RIC8B: variants seen among roughly 807,000 people sequenced by gnomAD.
RIC8B encodes the protein RIC8 guanine nucleotide exchange factor B.
A neutral mutation model predicts 57.5 loss-of-function variants in RIC8B; 16 were observed. That is an observed-to-expected ratio of 0.28 (90% CI 0.19 to 0.42). The LOEUF (loss-of-function observed/expected upper bound fraction) is 0.42, where lower values mean the gene tolerates loss of function less well. Ranked by LOEUF, RIC8B falls within the 10% of genes least tolerant of loss-of-function variation. The pLI is 1.00. For missense variants in RIC8B, 481 were observed against 677.0 expected (o/e 0.71, Z 3.21); for synonymous variants, 216 against 250.8 (o/e 0.86, Z 1.31).
Position 106,879,359 on chromosome 12 carries a change from A to G in RIC8B, c.1572-6545A>G. 2 of 985,332 alleles carry G rather than the reference A, an allele frequency of 2.0e-6. No individual in the cohort carries two copies. The highest frequency in any genetic ancestry group is 2.4e-6 in the Non-Finnish European group (2 of 829,898). The allele number at this position is 985,332 out of a possible 1,614,324, so 61.0% of individuals were successfully genotyped here. A position where few individuals can be genotyped will look rare whatever the true frequency, so the allele number is the denominator to read the frequency against. ...ATATTGTGCGATTGGGTATGTTAGT[A>G]TCTGAACCCCAATTTTGCACTGTCA... On this transcript the variant is annotated intron_variant, in intron 9 of 9. Coordinates refer to ENST00000392837, the MANE Select transcript of RIC8B (RefSeq NM_001330145.2). This position sits in a 1 kb window ranked among gnomAD's most constrained non-coding sequence, Gnocchi z 4.9.
At chr12:106,797,349 A>G (rs2044529552) in intron 2 of RIC8B, among the ~76,000 whole-genome samples, 1 of 152,254 alleles carries the variant, frequency 6.6e-6, no homozygotes, top group African/African-American at 2.4e-5. Context: ...CTGCTACAAC[A>G]TGGATGAACC....
At chr12:106,783,542 T>A (rs2043860318) in intron 1 of RIC8B, among the ~76,000 whole-genome samples, 1 of 152,238 alleles carries the variant, frequency 6.6e-6, no homozygotes, top group African/African-American at 2.4e-5. Context: ...CAGTCTACTT[T>A]TCCATTCTCT....
intron 6 of RIC8B, among the ~76,000 whole-genome samples, chr12:106,844,820 T>C (rs192047420): frequency 4.6e-5 from 7 of 152,292 alleles, no homozygotes; most frequent in Admixed American, 6.5e-5. Context: ...TGCTGATAGA[T>C]TGGAGTATGG....
At chr12:106,776,963 TC>T (rs891697586) in intron 1 of RIC8B, among the ~76,000 whole-genome samples, 1 of 151,764 alleles carries the variant, frequency 6.6e-6, no homozygotes, top group South Asian at 2.1e-4. Flanking sequence ...CTCCATCTCC[TC>T]CCCCCCACCG....
At chr12:106,838,224 TG>T in intron 4 of RIC8B, among the ~76,000 whole-genome samples, 1 of 151,928 alleles carries the variant, frequency 6.6e-6, no homozygotes, top group South Asian at 2.1e-4. Context: ...GAATACACAA[TG>T]GGGAAAAAAA....
intron 6 of RIC8B, among the ~76,000 whole-genome samples, chr12:106,848,619 A>G (rs1237880945): frequency 6.6e-6 from 1 of 152,204 alleles, no homozygotes; most frequent in African/African-American, 2.4e-5. Context: ...TGGAGCTGAC[A>G]TAATATGCTG....
intron 7 of RIC8B, among the ~76,000 whole-genome samples, chr12:106,853,573 A>T (rs975461320): frequency 1.4e-5 from 2 of 143,524 alleles, no homozygotes; most frequent in South Asian, 4.4e-4. Flanking sequence ...GGTTGAAGCG[A>T]TTCTCCTGCC....
rs192910555 is a variant in RIC8B, at chr12:106,878,815, G to C, written c.1572-7089G>C. On this transcript the variant is annotated intron_variant, in intron 9 of 9. Transcript: ENST00000392837. ...TCAGGGGGTGATTGAAGGAAGCAAT[G>C]CCTCATGTTCCCCCCCCCTTTTCTT... Among the ~76,000 whole-genome samples the C allele has an allele frequency of 3.5e-5, 5 of 144,192 alleles. No homozygotes were observed. The East Asian group carries it at 1.0e-3, about 30-fold the overall frequency. 94.6% of individuals were successfully genotyped at this position (144,192 alleles called of 152,430 possible).
chr12:106,791,654 A>G (rs566151952), intron 2 of RIC8B, among the ~76,000 whole-genome samples: 3 of 152,292 alleles, frequency 2.0e-5, no homozygotes, highest in South Asian at 4.1e-4. Context: ...GTAATCCACA[A>G]ATGTTTTCTC....
chr12:106,876,831 T>C (rs950574335), intron 9 of RIC8B, among the ~76,000 whole-genome samples: 1 of 152,154 alleles, frequency 6.6e-6, no homozygotes, highest in Non-Finnish European at 1.5e-5. Context: ...TCCTTCCTTA[T>C]TGGGAAGAGC....
chr12:106,779,380 T>C (rs937978690), intron 1 of RIC8B, among the ~76,000 whole-genome samples: 1 of 151,938 alleles, frequency 6.6e-6, no homozygotes, highest in African/African-American at 2.4e-5. Flanking sequence ...TACAGATGTG[T>C]GCCACCATGC....
At position 106,838,827 on chromosome 12, in the gene RIC8B, CA is replaced by C. The variant is rs139991727; in HGVS notation, c.837-3752del. 3.5e-4 allele frequency among the ~76,000 whole-genome samples: 50 copies of C among 144,270 alleles called. No homozygotes were observed. The East Asian group carries it at 6.8e-3, about 20-fold the overall frequency. 94.6% of individuals were successfully genotyped at this position (144,270 alleles called of 152,430 possible). On this transcript the variant is annotated intron_variant, in intron 4 of 9. Transcript: ENST00000392837. ...AACCTATTAAAAAACTCTTAATAGCCAAAAAAAAAACCTGATTTTAAAATGG... is the reference window on the plus strand; with the variant it reads ...AACCTATTAAAAAACTCTTAATAGCCAAAAAAAAACCTGATTTTAAAATGG...
At chr12:106,853,822 G>A (rs1305081165) in intron 7 of RIC8B, among the ~76,000 whole-genome samples, 1 of 151,982 alleles carries the variant, frequency 6.6e-6, no homozygotes, top group African/African-American at 2.4e-5. Context: ...GTATTCTTCC[G>A]GAATAAACAG....
intron 7 of RIC8B, among the ~76,000 whole-genome samples, chr12:106,858,615 T>C (rs1043759880): frequency 6.6e-6 from 1 of 152,114 alleles, no homozygotes; most frequent in Admixed American, 6.6e-5. Flanking sequence ...CCCACCCTCA[T>C]TCAATAATTC....
At chr12:106,775,037 C>T (rs913722083) in intron 1 of RIC8B, 10 of 562,720 alleles carry the variant, frequency 1.8e-5, no homozygotes, top group Middle Eastern at 4.3e-4. Flanking sequence ...AGCGCCCACT[C>T]CTCTGATTCC....
chr12:106,836,101 T>C (rs1666233737), intron 4 of RIC8B, among the ~76,000 whole-genome samples: 1 of 152,242 alleles, frequency 6.6e-6, no homozygotes, highest in South Asian at 2.1e-4. Context: ...TCAGTCATCT[T>C]ACTTGATCTG....
intron 7 of RIC8B, among the ~76,000 whole-genome samples, chr12:106,853,046 C>G (rs560014521): frequency 9.9e-5 from 15 of 152,016 alleles, no homozygotes; most frequent in Admixed American, 3.3e-4. Context: ...TTTATTGTTA[C>G]CTCTGAGTAA....
In RIC8B at chr12:106,886,207, G is replaced by A. The variant is rs2136696094; in HGVS notation, c.*192G>A. On this transcript the variant is annotated 3_prime_UTR_variant, in exon 10 of 10. Transcript: ENST00000392837. ...TGTGATATTGAGGCATTCATACAGAGCTGCAGTTAGACGGGGTTACGGGGG... is the reference window on the plus strand; with the variant it reads ...TGTGATATTGAGGCATTCATACAGAACTGCAGTTAGACGGGGTTACGGGGG... 1.9e-6 allele frequency: 1 copy of A among 521,728 alleles called. No homozygotes were observed. Among genetic ancestry groups the A allele is most frequent in the Non-Finnish European group, 3.4e-6 (1 of 296,040 alleles). The allele number at this position is 521,728 out of a possible 1,614,324, so 32.3% of individuals were successfully genotyped here.
intron 3 of RIC8B, among the ~76,000 whole-genome samples, chr12:106,824,041 T>G (rs556577636): frequency 5.3e-5 from 8 of 152,200 alleles, no homozygotes; most frequent in Non-Finnish European, 1.0e-4. Context: ...GGGACAACAT[T>G]CATTCCAACC....
Sources: allele counts gnomAD v4.1 joint callset (sites outside exome capture counted in the v4.1 genomes callset), GRCh38; gene constraint gnomAD v4.1.1; non-coding constraint Gnocchi (gnomAD v3.1); transcripts MANE v1.5; gene names NCBI Gene and HGNC (gene_info 2026-07-23, HGNC 2026-07-21).